Variants in ZNF644 observed in about 807,000 individuals in gnomAD.
The protein encoded by ZNF644 is zinc finger motif enhancer binding protein 2.
In ZNF644, 20 loss-of-function variants were observed where a neutral mutation model predicts 108.0. The observed-to-expected ratio is 0.19, with a 90% confidence interval of 0.13 to 0.27. The LOEUF is 0.27. ZNF644 is among the 10% of genes least tolerant of loss of function. The probability of loss-of-function intolerance (pLI) is 1.00; values close to 1 mark genes in which losing one functional copy is unlikely to be tolerated. For synonymous variants in ZNF644, 542 were observed against 539.1 expected (o/e 1.01, Z -0.08); for missense variants, 1,338 against 1,548.9 (o/e 0.86, Z 2.29).
chr1:90,946,731 T>C lies in ZNF644; in HGVS notation c.45-5422A>G, dbSNP rs538631. On this transcript the variant is annotated intron_variant, in intron 2 of 5. Transcript: ENST00000337393. The stretch of plus-strand genomic sequence containing the variant: ...AATGTTACAGCCAGAGATTTTTTTT[T>C]CCTTGGCAATACCAAAACACAAAAC... 1.5e-3 allele frequency among the ~76,000 whole-genome samples: 234 copies of C among 152,146 alleles called. 4 individuals carry two copies. Among genetic ancestry groups the C allele is most frequent in the Middle Eastern group, 0.01 (3 of 294 alleles).
intron 2 of ZNF644, among the ~76,000 whole-genome samples, chr1:90,969,398 C>T (rs1374733818): frequency 6.6e-6 from 1 of 152,222 alleles, no homozygotes; most frequent in Non-Finnish European, 1.5e-5. Context: ...GCTACCCAGT[C>T]TGTGGTACAA....
At chr1:90,942,553 T>C (rs1652104754) in intron 2 of ZNF644, among the ~76,000 whole-genome samples, 1 of 152,146 alleles carries the variant, frequency 6.6e-6, no homozygotes, top group Non-Finnish European at 1.5e-5. Context: ...GCAATATTTG[T>C]TGAATAAAAT....
chr1:90,980,861 T>C (rs979554147), intron 2 of ZNF644, among the ~76,000 whole-genome samples: 8 of 152,188 alleles, frequency 5.3e-5, no homozygotes, highest in African/African-American at 1.9e-4. Context: ...TAATGAAATG[T>C]TCTATATCTT....
Position 90,938,561 on chromosome 1 carries a change from A to G in ZNF644, c.2793T>C (p.His931=), listed in dbSNP as rs376582893. Reference sequence around the variant, plus strand: ...CTAAATGCTGAGGATCATGTATCTCATGCAAAAAGTTGTTACTTCCAGTAT... The same window carrying G: ...CTAAATGCTGAGGATCATGTATCTCGTGCAAAAAGTTGTTACTTCCAGTAT... The part of the protein sequence containing the change: ...YEDTGSNNFL[H]EIHDPQHLET... The change falls in exon 3 of 6, where the codon CAT becomes CAC. Residue 931 remains histidine (H), a synonymous_variant. Transcript: ENST00000337393. The surrounding 1 kb of genome is among the most constrained non-coding windows in gnomAD (Gnocchi z 4.2). 45 of 1,611,982 alleles carry G rather than the reference A, an allele frequency of 2.8e-5. No homozygotes were observed. The highest frequency in any genetic ancestry group is 1.6e-4 in the Middle Eastern group (1 of 6,080).
chr1:91,000,532 T>C (rs1039939844), intron 1 of ZNF644, among the ~76,000 whole-genome samples: 8 of 151,970 alleles, frequency 5.3e-5, no homozygotes, highest in African/African-American at 1.9e-4. Context: ...GCGACACATT[T>C]AAAGCAGTGT....
chr1:90,920,595 T>G (rs901830199), intron 4 of ZNF644, among the ~76,000 whole-genome samples: 1 of 152,062 alleles, frequency 6.6e-6, no homozygotes, highest in Non-Finnish European at 1.5e-5. Context: ...CTGTGGAAAC[T>G]CTTAAGTTTA....
chr1:90,925,898 A>G (rs1570342613), intron 4 of ZNF644, among the ~76,000 whole-genome samples: 1 of 152,122 alleles, frequency 6.6e-6, no homozygotes, highest in African/African-American at 2.4e-5. Context: ...CTGAATGGAC[A>G]CCCTCCTCTT....
At chr1:90,925,672 T>C (rs1649949185) in intron 4 of ZNF644, among the ~76,000 whole-genome samples, 1 of 149,924 alleles carries the variant, frequency 6.7e-6, no homozygotes, top group Non-Finnish European at 1.5e-5. Flanking sequence ...GGAAACTAGA[T>C]AAGACTTGCA....
intron 1 of ZNF644, among the ~76,000 whole-genome samples, chr1:90,986,171 C>A (rs949579850): frequency 3.3e-5 from 5 of 151,952 alleles, no homozygotes; most frequent in Admixed American, 6.6e-5. Context: ...TAAGAGAACA[C>A]CTGAATACTA....
chr1:91,001,731 A>T (rs1314509510), intron 1 of ZNF644, among the ~76,000 whole-genome samples: 1 of 152,226 alleles, frequency 6.6e-6, no homozygotes, highest in Non-Finnish European at 1.5e-5. Context: ...AGTTAGGAAA[A>T]GAAGAAGTCA....
chr1:90,925,781 T>C (rs1011310875), intron 4 of ZNF644, among the ~76,000 whole-genome samples: 3 of 152,158 alleles, frequency 2.0e-5, no homozygotes, highest in African/African-American at 7.2e-5. Flanking sequence ...TATGCTACAA[T>C]GGTGTAACTC....
chr1:90,956,688 TAATC>T (rs1452719235), intron 2 of ZNF644, among the ~76,000 whole-genome samples: 9 of 151,936 alleles, frequency 5.9e-5, no homozygotes, highest in South Asian at 2.1e-4. Flanking sequence ...AAGAAGAAAA[TAATC>T]AATCTTTAGA....
At chr1:91,006,331 C>A (rs1659413922) in intron 1 of ZNF644, among the ~76,000 whole-genome samples, 2 of 152,158 alleles carry the variant, frequency 1.3e-5, no homozygotes, top group Admixed American at 1.3e-4. Flanking sequence ...ATCATTTGAG[C>A]CCAGGAGTTC....
At chr1:90,997,062 A>G (rs1407528981) in intron 1 of ZNF644, among the ~76,000 whole-genome samples, 1 of 152,248 alleles carries the variant, frequency 6.6e-6, no homozygotes, top group Non-Finnish European at 1.5e-5. Flanking sequence ...AGAGAAGAAC[A>G]GCTGAGGCAA....
chr1:91,000,731 T>C (rs922697354), intron 1 of ZNF644, among the ~76,000 whole-genome samples: 7 of 151,932 alleles, frequency 4.6e-5, no homozygotes, highest in African/African-American at 9.7e-5. Context: ...TTCAAAAAAA[T>C]CAATGAATCC....
At position 90,940,661 on chromosome 1, in the gene ZNF644, T is replaced by A. The variant is rs777202580; in HGVS notation, c.693A>T (p.Leu231Phe). The change falls in exon 3 of 6, where the codon TTA becomes TTT. Residue 231 changes from leucine to phenylalanine, a missense_variant. By Grantham distance (22) the Leu-to-Phe change is conservative. Transcript: ENST00000337393. ...TATTGACACAATCATCTTTCACCAA[T>A]AAATCTTCACCATCCTCACCCACCT... ...QVEVGEDGED[L>F]LVKDDCVNTV... The A allele has an allele frequency of 1.9e-6, 3 of 1,614,022 alleles. No homozygotes were observed. Among genetic ancestry groups the A allele is most frequent in the South Asian group, 2.2e-5 (2 of 91,078 alleles).
chr1:90,932,139 G>A (rs1437404220), intron 4 of ZNF644, among the ~76,000 whole-genome samples: 1 of 152,106 alleles, frequency 6.6e-6, no homozygotes, highest in Non-Finnish European at 1.5e-5. Flanking sequence ...AGTGTATTCA[G>A]GATACTTGAA....
intron 2 of ZNF644, among the ~76,000 whole-genome samples, chr1:90,979,492 G>A (rs1166076229): frequency 6.6e-6 from 1 of 151,952 alleles, no homozygotes; most frequent in Non-Finnish European, 1.5e-5. Context: ...AACAAAAAAA[G>A]TATATAGTTT....
intron 2 of ZNF644, among the ~76,000 whole-genome samples, chr1:90,957,350 C>A (rs1653852812): frequency 6.6e-6 from 1 of 152,084 alleles, no homozygotes; most frequent in African/African-American, 2.4e-5. Context: ...TACAAATATC[C>A]ATTATGAAAA....
Sources: gnomAD v4.1 joint callset for allele counts (sites outside exome capture counted in the v4.1 genomes callset) on GRCh38, gnomAD v4.1.1 for gene constraint, Gnocchi (gnomAD v3.1) non-coding constraint, MANE v1.5 for transcripts, NCBI Gene and HGNC (gene_info 2026-07-23, HGNC 2026-07-21) for gene names.